Variants in RAD18 observed in about 807,000 individuals in gnomAD.
The protein encoded by RAD18 is E3 ubiquitin-protein ligase RAD18.
Under a neutral mutation model 60.4 loss-of-function variants are expected in RAD18, and 47 were observed. The ratio of observed to expected loss-of-function variants is 0.78; its 90% CI spans 0.62 to 0.99. The LOEUF is 0.99. Among genes scored for constraint, RAD18 ranks in the 50% least tolerant of loss-of-function variants. The pLI is 0.00. For synonymous variants in RAD18, 225 were observed against 195.5 expected (o/e 1.15, Z -1.26); for missense variants, 640 against 593.3 (o/e 1.08, Z -0.82).
At chr3:8,937,998 G>A (rs926465382) in intron 6 of RAD18, among the ~76,000 whole-genome samples, 1 of 152,122 alleles carries the variant, frequency 6.6e-6, no homozygotes, top group Non-Finnish European at 1.5e-5. Flanking sequence ...AAAAAGGGGA[G>A]TCCATGCAAG....
chr3:8,908,959 A>G (rs1202060036), intron 9 of RAD18, among the ~76,000 whole-genome samples: 1 of 152,236 alleles, frequency 6.6e-6, no homozygotes, highest in Non-Finnish European at 1.5e-5. Flanking sequence ...AAAACACAAG[A>G]TAATGTAAGT....
At chr3:8,919,832 C>G (rs45472294) in intron 7 of RAD18, among the ~76,000 whole-genome samples, 2 of 112,504 alleles carry the variant, frequency 1.8e-5, no homozygotes, top group East Asian at 2.1e-4. Context: ...AATAAGAAGA[C>G]GGTAATGAAA....
intron 7 of RAD18, among the ~76,000 whole-genome samples, chr3:8,935,491 C>A (rs781513759): frequency 6.6e-6 from 1 of 152,068 alleles, no homozygotes; most frequent in Non-Finnish European, 1.5e-5. Context: ...TATTATAACC[C>A]TTATTTTATG....
intron 2 of RAD18, among the ~76,000 whole-genome samples, chr3:8,951,411 G>A (rs1466477592): frequency 1.3e-5 from 2 of 152,140 alleles, no homozygotes; most frequent in Non-Finnish European, 2.9e-5. Flanking sequence ...AAGTGAAAGA[G>A]AAATAAGGAC....
intron 9 of RAD18, among the ~76,000 whole-genome samples, chr3:8,909,319 A>G (rs957626282): frequency 1.3e-5 from 2 of 152,214 alleles, no homozygotes; most frequent in African/African-American, 2.4e-5. Context: ...CAATGGCAGG[A>G]GGGCAGCAAG....
intron 9 of RAD18, among the ~76,000 whole-genome samples, chr3:8,909,976 C>T (rs1279783586): frequency 4.6e-5 from 7 of 152,090 alleles, no homozygotes; most frequent in Admixed American, 2.6e-4. Flanking sequence ...ATGTATTCTA[C>T]CAAAACAAGG....
chr3:8,908,826 A>C (rs1429563658), intron 9 of RAD18, among the ~76,000 whole-genome samples: 1 of 152,224 alleles, frequency 6.6e-6, no homozygotes, highest in Non-Finnish European at 1.5e-5. Flanking sequence ...TATAAACTCC[A>C]ACAGAGTAGG....
At chr3:8,923,262 C>T (rs775031657) in intron 7 of RAD18, among the ~76,000 whole-genome samples, 66 of 152,116 alleles carry the variant, frequency 4.3e-4, no homozygotes, top group Non-Finnish European at 6.9e-4. Context: ...AACTACGTGA[C>T]GAATGCACAA....
chr3:8,943,611 A>T (rs1476989673), intron 4 of RAD18, among the ~76,000 whole-genome samples: 1 of 152,124 alleles, frequency 6.6e-6, no homozygotes, highest in Non-Finnish European at 1.5e-5. Flanking sequence ...AATCAGCAAT[A>T]CTAGAAAAAC....
Position 8,940,506 on chromosome 3 carries a change from T to C in RAD18, c.605-853A>G, listed in dbSNP as rs758717700. 9.1e-4 allele frequency among the ~76,000 whole-genome samples: 139 copies of C among 152,322 alleles called. 1 individual carries two copies. Among genetic ancestry groups the C allele is most frequent in the Non-Finnish European group, 1.9e-3 (127 of 68,024 alleles). On this transcript the variant is annotated intron_variant, in intron 5 of 12. Transcript: ENST00000264926. ...CACGTTAAGTACTAATAAACTAATT[T>C]CAATCTAAGTTTAATACACACTCAC...
intron 1 of RAD18, among the ~76,000 whole-genome samples, chr3:8,962,556 T>C (rs1941108705): frequency 6.6e-6 from 1 of 152,224 alleles, no homozygotes; most frequent in Non-Finnish European, 1.5e-5. Context: ...TCTTAGCCAC[T>C]GTGAGAAACG....
Position 8,879,736 on chromosome 3 carries a change from C to T in RAD18, c.*1621G>A, listed in dbSNP as rs1939425218. ...ACTGGGAACCATTGTTCTAGATGAT[C>T]TTTGGCCACCTTTGTATTCCCAGTG... On this transcript the variant is annotated 3_prime_UTR_variant, in exon 13 of 13. Transcript: ENST00000264926. The T allele has an allele frequency of 1.3e-5, 2 of 152,262 alleles. No homozygotes were observed. The highest frequency in any genetic ancestry group is 2.9e-5 in the Non-Finnish European group (2 of 68,034). 9.4% of individuals were successfully genotyped at this position (152,262 alleles called of 1,614,324 possible).
intron 1 of RAD18, 125 bp from the exon 2 acceptor site, chr3:8,959,126 G>C: frequency 1.4e-6 from 1 of 737,526 alleles, no homozygotes; most frequent in East Asian, 2.5e-5. Context: ...AAATTCAAAA[G>C]CTAACTCCAG....
chr3:8,920,462 T>C (rs1940298206), intron 7 of RAD18, among the ~76,000 whole-genome samples: 1 of 152,064 alleles, frequency 6.6e-6, no homozygotes, highest in Admixed American at 6.6e-5. Context: ...GGATGCTAAA[T>C]ATAGGGGTGA....
At chr3:8,897,750 G>A (rs1939816790) in intron 11 of RAD18, among the ~76,000 whole-genome samples, 1 of 152,110 alleles carries the variant, frequency 6.6e-6, no homozygotes, top group African/African-American at 2.4e-5. Context: ...CATTCAGAGG[G>A]CAATGCCTAC....
intron 7 of RAD18, among the ~76,000 whole-genome samples, chr3:8,919,957 G>A (rs1940285675): frequency 6.6e-6 from 1 of 152,198 alleles, no homozygotes; most frequent in Middle Eastern, 3.2e-3. Context: ...TTAAAAATCT[G>A]TGAATCCATA....
At chr3:8,906,334 ACC>A (rs1940000671) in intron 9 of RAD18, among the ~76,000 whole-genome samples, 1 of 150,618 alleles carries the variant, frequency 6.6e-6, no homozygotes, top group Non-Finnish European at 1.5e-5. Context: ...AGCAAACAAA[ACC>A]CTCCCTTGAC....
At chr3:8,940,782 T>C (rs1940733927) in intron 5 of RAD18, among the ~76,000 whole-genome samples, 1 of 152,166 alleles carries the variant, frequency 6.6e-6, no homozygotes. Flanking sequence ...TCTGGAAAGG[T>C]ATAGAACAGG....
Position 8,880,071 on chromosome 3 carries a change from C to G in RAD18, c.*1286G>C, listed in dbSNP as rs1939431363. ...AGTGGTGCTTTTAGTTTCCTTAATG[C>G]ACCCCTCAGGATTTCATGCAAATGA... On this transcript the variant is annotated 3_prime_UTR_variant, in exon 13 of 13. Coordinates refer to ENST00000264926, the MANE Select transcript of RAD18 (RefSeq NM_020165.4). 7 of 152,132 alleles carry G rather than the reference C, an allele frequency of 4.6e-5. No individual in the cohort carries two copies. The South Asian group carries it at 1.5e-3, about 32-fold the overall frequency. The allele number at this position is 152,132 out of a possible 1,614,324, so 9.4% of individuals were successfully genotyped here. A position where few individuals can be genotyped will look rare whatever the true frequency, so the allele number is the denominator to read the frequency against.
Sources: gnomAD v4.1 joint callset for allele counts (sites outside exome capture counted in the v4.1 genomes callset) on GRCh38, gnomAD v4.1.1 for gene constraint, MANE v1.5 for transcripts, NCBI Gene and HGNC (gene_info 2026-07-23, HGNC 2026-07-21) for gene names.